PCDHGA1: variants seen among roughly 807,000 people sequenced by gnomAD.
PCDHGA1 encodes protocadherin gamma subfamily A, 1, also known as protocadherin gamma-A1.
Under a neutral mutation model 58.0 loss-of-function variants are expected in PCDHGA1, and 32 were observed. The ratio of observed to expected loss-of-function variants is 0.55; its 90% CI spans 0.42 to 0.74. The LOEUF (loss-of-function observed/expected upper bound fraction) is 0.74. Ranked by LOEUF, PCDHGA1 falls within the 30% of genes least tolerant of loss-of-function variation. The pLI is 0.00. For missense variants in PCDHGA1, 1,205 were observed against 1,182.3 expected, an observed-to-expected ratio of 1.02 and a Z score of -0.28; for synonymous variants, 498 against 501.1, an observed-to-expected ratio of 0.99 and a Z score of 0.08.
intron 1 of PCDHGA1, chr5:141,423,881 G>A (rs2096788712): frequency 7.8e-7 from 1 of 1,281,784 alleles, no homozygotes; most frequent in Non-Finnish European, 9.9e-7. Flanking sequence ...TTCAATCTTG[G>A]CATATTTTCT....
chr5:141,340,839 C>T lies in PCDHGA1; in HGVS notation c.2421+7734C>T, dbSNP rs370683887. ...GGACTCTTCTCGGTGGGTCTGCACACGGGCGAGGTGCGCACGGCGCGAGCC... is the reference window on the plus strand; with the variant it reads ...GGACTCTTCTCGGTGGGTCTGCACATGGGCGAGGTGCGCACGGCGCGAGCC... On this transcript the variant is annotated intron_variant, in intron 1 of 3. Transcript: ENST00000517417. The T allele has an allele frequency of 5.9e-5, 95 of 1,613,514 alleles. 1 individual carries two copies. Among genetic ancestry groups the T allele is most frequent in the Non-Finnish European group, 7.9e-5 (93 of 1,179,946 alleles).
intron 1 of PCDHGA1, among the ~76,000 whole-genome samples, chr5:141,451,138 A>T (rs1348825654): frequency 6.6e-6 from 1 of 152,242 alleles, no homozygotes; most frequent in East Asian, 1.9e-4. Flanking sequence ...TTATGATTGT[A>T]TTTAGACTAG....
At position 141,424,020 on chromosome 5, in the gene PCDHGA1, C is replaced by A. The variant is rs1326303938; in HGVS notation, c.2422-70787C>A. ...TATATAGATACAAATTAATGATTCA[C>A]AAACACTTTTTATTTCCATTTCAAT... On this transcript the variant is annotated intron_variant, in intron 1 of 3. Coordinates refer to ENST00000517417, the MANE Select transcript of PCDHGA1 (RefSeq NM_018912.3). 3 of 1,050,122 alleles carry A rather than the reference C, an allele frequency of 2.9e-6. No individual in the cohort carries two copies. In the East Asian group the frequency reaches 2.2e-4, roughly 77 times the overall value. The allele number at this position is 1,050,122 out of a possible 1,614,324, so 65.1% of individuals were successfully genotyped here. A position where few individuals can be genotyped will look rare whatever the true frequency, so the allele number is the denominator to read the frequency against.
chr5:141,352,297 C>G, intron 1 of PCDHGA1: 1 of 1,614,070 alleles, frequency 6.2e-7, no homozygotes, highest in South Asian at 1.1e-5. Context: ...AGCCCTCTGA[C>G]CCCCAGACGG....
chr5:141,344,171 C>A (rs1757378973), intron 1 of PCDHGA1: 2 of 1,614,014 alleles, frequency 1.2e-6, no homozygotes, highest in Non-Finnish European at 1.7e-6. Context: ...CCTTCGTGGG[C>A]AACATCGCTA....
At chr5:141,374,796 A>G (rs1422023332) in intron 1 of PCDHGA1, 5 of 1,613,974 alleles carry the variant, frequency 3.1e-6, no homozygotes, top group Non-Finnish European at 3.4e-6. Context: ...GTGAATGACA[A>G]CACTCCAATG....
At chr5:141,447,238 C>G (rs1028683423) in intron 1 of PCDHGA1, among the ~76,000 whole-genome samples, 2 of 152,148 alleles carry the variant, frequency 1.3e-5, no homozygotes, top group Non-Finnish European at 2.9e-5. Context: ...CTCCCGGGTT[C>G]AAGTGATTCT....
At chr5:141,454,838 C>G (rs1472341694) in intron 1 of PCDHGA1, among the ~76,000 whole-genome samples, 1 of 100,816 alleles carries the variant, frequency 9.9e-6, no homozygotes, top group South Asian at 3.5e-4. Flanking sequence ...GACAGAGTCG[C>G]GCTCTGTCAC....
rs543657386 is a variant in PCDHGA1, at chr5:141,370,919, T to C, written c.2421+37814T>C. 135 of 1,613,966 alleles carry C rather than the reference T, an allele frequency of 8.4e-5. No homozygotes were observed. The South Asian group carries it at 1.4e-3, about 17-fold the overall frequency. On this transcript the variant is annotated intron_variant, in intron 1 of 3. Coordinates refer to ENST00000517417, the MANE Select transcript of PCDHGA1 (RefSeq NM_018912.3). ...TGCAGCAGTACTACCTCAGCCCTGA[T>C]CCGCACTTCTCTTTGATTCAGAAGG... is the stretch of plus-strand genomic sequence containing the variant.
At chr5:141,492,506 C>T (rs2154587372) in intron 1 of PCDHGA1, among the ~76,000 whole-genome samples, 2 of 152,318 alleles carry the variant, frequency 1.3e-5, no homozygotes, top group South Asian at 4.1e-4. Context: ...ACTCCGGAGC[C>T]TCCTCTCACC....
intron 1 of PCDHGA1, chr5:141,352,206 C>A: frequency 6.8e-6 from 11 of 1,614,052 alleles, no homozygotes; most frequent in Non-Finnish European, 9.3e-6. Context: ...GGACAGCCGC[C>A]ACTCTCCGCC....
Position 141,487,491 on chromosome 5 carries a change from C to T in PCDHGA1, c.2422-7316C>T. ...GTGGGAGGCCACTCTCATGGCTGTA[C>T]ACCCTTGGCTTCTGCACCCACTCGG... is the stretch of plus-strand genomic sequence containing the variant. On this transcript the variant is annotated intron_variant, in intron 1 of 3. Transcript: ENST00000517417. This position sits in a 1 kb window ranked among gnomAD's most constrained non-coding sequence, Gnocchi z 5.0. 6.2e-7 allele frequency: 1 copy of T among 1,614,204 alleles called. No individual in the cohort carries two copies. Among genetic ancestry groups the T allele is most frequent in the Non-Finnish European group, 8.5e-7 (1 of 1,180,034 alleles).
Position 141,361,680 on chromosome 5 carries a change from C to G in PCDHGA1, c.2421+28575C>G, listed in dbSNP as rs369369005. On this transcript the variant is annotated intron_variant, in intron 1 of 3. Transcript: ENST00000517417. ...TGAGCGCGCAGAGCGGGGTGGTGTT[C>G]GCGCAGCGCGCCTTCGATCATGAGC... The G allele has an allele frequency of 6.8e-6, 11 of 1,613,576 alleles. No individual in the cohort carries two copies. The South Asian group carries it at 1.2e-4, about 18-fold the overall frequency.
rs148995268 is a variant in PCDHGA1, at chr5:141,486,253, C to T, written c.2422-8554C>T. On this transcript the variant is annotated intron_variant, in intron 1 of 3. Coordinates refer to ENST00000517417, the MANE Select transcript of PCDHGA1 (RefSeq NM_018912.3). The surrounding 1 kb of genome is among the most constrained non-coding windows in gnomAD (Gnocchi z 5.0). The stretch of plus-strand genomic sequence containing the variant: ...TGACCTCAGAGCTTGGAACCCTCCC[C>T]GAGAGTGCAGAACCTGGCACTGTGG... 8 of 1,614,020 alleles carry T rather than the reference C, an allele frequency of 5.0e-6. No individual in the cohort carries two copies. The African/African-American group carries it at 8.0e-5, about 16-fold the overall frequency.
intron 1 of PCDHGA1, among the ~76,000 whole-genome samples, chr5:141,442,612 A>C (rs1180568407): frequency 6.6e-6 from 1 of 152,212 alleles, no homozygotes; most frequent in Non-Finnish European, 1.5e-5. Flanking sequence ...ATCTCAGTAA[A>C]AAGCATTTCT....
At chr5:141,406,072 CTT>C (rs530474569) in intron 1 of PCDHGA1, among the ~76,000 whole-genome samples, 69 of 141,430 alleles carry the variant, frequency 4.9e-4, no homozygotes, top group African/African-American at 9.6e-4. Flanking sequence ...ATTCTTACTC[CTT>C]TTTTTTTTTT....
intron 1 of PCDHGA1, among the ~76,000 whole-genome samples, chr5:141,464,076 C>A (rs561982216): frequency 3.1e-4 from 47 of 152,132 alleles, no homozygotes; most frequent in African/African-American, 9.4e-4. Context: ...GCCAGCCTGG[C>A]CAACATGGTG....
intron 1 of PCDHGA1, chr5:141,416,673 C>A (rs1259750007): frequency 6.6e-6 from 1 of 151,958 alleles, no homozygotes; most frequent in Non-Finnish European, 1.5e-5. Flanking sequence ...ATATATGCAA[C>A]GAAGGGAAAT....
chr5:141,384,384 C>A (rs142665639), intron 1 of PCDHGA1: 102 of 1,613,934 alleles, frequency 6.3e-5, no homozygotes, highest in Non-Finnish European at 8.3e-5. Context: ...CCGAAGACAC[C>A]ATCCAGGGGG....
Sources: gnomAD v4.1 joint callset for allele counts (sites outside exome capture counted in the v4.1 genomes callset) on GRCh38, gnomAD v4.1.1 for gene constraint, Gnocchi (gnomAD v3.1) non-coding constraint, MANE v1.5 for transcripts, NCBI Gene and HGNC (gene_info 2026-07-23, HGNC 2026-07-21) for gene names.